The following DACH1 variants were observed in gnomAD, a reference collection of about 807,000 sequenced individuals.
DACH1 encodes dachshund family transcription factor 1.
A neutral mutation model predicts 54.2 loss-of-function variants in DACH1; 12 were observed. That is an observed-to-expected ratio of 0.22 (90% CI 0.14 to 0.36). The LOEUF is 0.36. DACH1 is among the 10% of genes least tolerant of loss of function. The pLI, the probability that DACH1 is intolerant of heterozygous loss-of-function variation, is 1.00. For synonymous variants in DACH1, 386 were observed against 366.2 expected (o/e 1.05, Z -0.62); for missense variants, 805 against 929.8 (o/e 0.87, Z 1.75).
chr13:71,687,551 T>TA (rs1203897465), intron 1 of DACH1, among the ~76,000 whole-genome samples: 25 of 152,212 alleles, frequency 1.6e-4, no homozygotes, highest in African/African-American at 1.2e-4. Context: ...TACTTTTTTT[T>TA]ACATATGAAG....
intron 1 of DACH1, among the ~76,000 whole-genome samples, chr13:71,786,641 G>A (rs1047415953): frequency 6.6e-6 from 1 of 151,896 alleles, no homozygotes; most frequent in Admixed American, 6.6e-5. Flanking sequence ...TATAAGAATG[G>A]CTAAGAAAGG....
intron 10 of DACH1, among the ~76,000 whole-genome samples, chr13:71,465,696 TATAA>T (rs1876507665): frequency 1.3e-5 from 2 of 152,122 alleles, no homozygotes; most frequent in African/African-American, 4.8e-5. Context: ...AGCAAAACCT[TATAA>T]ATATATTTTT....
At chr13:71,742,191 A>G (rs1303175457) in intron 1 of DACH1, among the ~76,000 whole-genome samples, 2 of 152,096 alleles carry the variant, frequency 1.3e-5, no homozygotes, top group Non-Finnish European at 2.9e-5. Flanking sequence ...TCTGAGGTCT[A>G]CCCAGGTATG....
intron 1 of DACH1, among the ~76,000 whole-genome samples, chr13:71,806,483 T>C (rs1462324281): frequency 6.6e-6 from 1 of 152,154 alleles, no homozygotes; most frequent in African/African-American, 2.4e-5. Flanking sequence ...TAGAAAAAAT[T>C]GTATTCTATT....
rs1201966208 is a variant in DACH1 at position 71,866,924 on chromosome 13, G to GA, written c.-156dup. ...GAAGGAGAAAGGGAGAGAAGGGGGAGAAAAGGAGGTGAAGGTAATAAAGAG... is the reference window on the plus strand; with the variant it reads ...GAAGGAGAAAGGGAGAGAAGGGGGAGAAAAAGGAGGTGAAGGTAATAAAGAG... On this transcript the variant is annotated 5_prime_UTR_variant, in exon 1 of 11. Coordinates refer to ENST00000613252, the MANE Select transcript of DACH1 (RefSeq NM_080759.6). The GA allele has an allele frequency of 1.5e-5, 8 of 527,892 alleles. No homozygotes were observed. Among genetic ancestry groups the GA allele is most frequent in the Non-Finnish European group, 2.3e-5 (8 of 347,978 alleles). The allele number at this position is 527,892 out of a possible 1,614,324, so 32.7% of individuals were successfully genotyped here.
In DACH1 at chr13:71,866,743, A is replaced by AG; in HGVS notation, c.26dup (p.Pro10SerfsTer137). On this transcript the variant is annotated frameshift_variant, in exon 1 of 11. Coordinates refer to ENST00000613252, the MANE Select transcript of DACH1 (RefSeq NM_080759.6). LOFTEE classifies it high-confidence loss of function. ...GTTGAGGGGGGACCAGCTGGGTCGG[A>AG]GGGATCAAAGCCGCCGGCACTGCCA... 7.0e-7 allele frequency: 1 copy of AG among 1,419,342 alleles called. No homozygotes were observed. Among genetic ancestry groups the AG allele is most frequent in the Non-Finnish European group, 9.3e-7 (1 of 1,077,654 alleles). 87.9% of individuals were successfully genotyped at this position (1,419,342 alleles called of 1,614,324 possible).
At chr13:71,674,675 G>A (rs1380644309) in intron 2 of DACH1, among the ~76,000 whole-genome samples, 1 of 137,086 alleles carries the variant, frequency 7.3e-6, no homozygotes, top group Non-Finnish European at 1.6e-5. Flanking sequence ...CCATAACTCT[G>A]CAAGTATAAA....
chr13:71,505,271 C>A (rs958778396), intron 6 of DACH1, among the ~76,000 whole-genome samples: 2 of 152,064 alleles, frequency 1.3e-5, no homozygotes, highest in Non-Finnish European at 2.9e-5. Context: ...TTAGTAGAGA[C>A]AGGGTTTCCT....
At chr13:71,788,774 T>C (rs1447245960) in intron 1 of DACH1, among the ~76,000 whole-genome samples, 1 of 143,180 alleles carries the variant, frequency 7.0e-6, no homozygotes, top group Non-Finnish European at 1.5e-5. Context: ...AGCTCATAAT[T>C]GGAAAAAATG....
intron 3 of DACH1, among the ~76,000 whole-genome samples, chr13:71,608,006 T>C (rs1875005683): frequency 6.6e-6 from 1 of 151,712 alleles, no homozygotes; most frequent in African/African-American, 2.4e-5. Flanking sequence ...TCCATATTAA[T>C]GAGAAAGATG....
At chr13:71,852,070 C>T (rs1873705328) in intron 1 of DACH1, among the ~76,000 whole-genome samples, 1 of 152,178 alleles carries the variant, frequency 6.6e-6, no homozygotes, top group African/African-American at 2.4e-5. Flanking sequence ...TGGTTTGAAA[C>T]TGTTTTCTAA....
chr13:71,865,599 C>T (rs1874686178), intron 1 of DACH1, among the ~76,000 whole-genome samples: 1 of 152,150 alleles, frequency 6.6e-6, no homozygotes, highest in Admixed American at 6.5e-5. Context: ...GCTGTGGCTC[C>T]AGCAAAGGCG....
At chr13:71,762,768 CA>C (rs34543654) in intron 1 of DACH1, among the ~76,000 whole-genome samples, 11,758 of 71,118 alleles carry the variant, frequency 0.17, 677 homozygotes, top group East Asian at 0.61. Context: ...AACTTTGTCT[CA>C]AAAAAAAAAA....
chr13:71,679,116 A>G (rs1463602838), intron 2 of DACH1, among the ~76,000 whole-genome samples: 1 of 152,236 alleles, frequency 6.6e-6, no homozygotes, highest in African/African-American at 2.4e-5. Context: ...GAACAAAAGT[A>G]GAATGTCTGA....
rs572505318 is a variant in DACH1, at chr13:71,546,976, T to C, written c.1570+10048A>G. On this transcript the variant is annotated intron_variant, in intron 6 of 10. Transcript: ENST00000613252. ...TAAATCTCGCTCTACAATCTCTTCT[T>C]ATCTTGTTGCATAAACCCTTGCGTG... Among the ~76,000 whole-genome samples the C allele has an allele frequency of 1.8e-4, 27 of 152,200 alleles. 1 individual carries two copies. The South Asian group carries it at 5.6e-3, about 32-fold the overall frequency.
intron 1 of DACH1, among the ~76,000 whole-genome samples, chr13:71,859,272 T>A (rs1043429546): frequency 2.6e-5 from 4 of 151,568 alleles, no homozygotes; most frequent in Non-Finnish European, 5.9e-5. Flanking sequence ...GAATGAAAGA[T>A]GATTTTTTTT....
chr13:71,672,115 T>A (rs766794370), intron 2 of DACH1, among the ~76,000 whole-genome samples: 1 of 152,286 alleles, frequency 6.6e-6, no homozygotes, highest in African/African-American at 2.4e-5. Context: ...ATCTGAAGTG[T>A]AGAGCAAAAT....
chr13:71,462,395 T>C (rs181123885), intron 10 of DACH1, among the ~76,000 whole-genome samples: 16 of 152,006 alleles, frequency 1.1e-4, no homozygotes, highest in Admixed American at 7.2e-4. Context: ...TTGTTTTAAT[T>C]GATGTAATTA....
intron 6 of DACH1, among the ~76,000 whole-genome samples, chr13:71,549,349 G>A (rs1045637626): frequency 3.9e-5 from 6 of 152,076 alleles, no homozygotes; most frequent in Admixed American, 2.6e-4. Context: ...CAGTGAGGAA[G>A]TGAGTCATTC....
Sources: allele counts gnomAD v4.1 joint callset (sites outside exome capture counted in the v4.1 genomes callset), GRCh38; gene constraint gnomAD v4.1.1; transcripts MANE v1.5; gene names NCBI Gene and HGNC (gene_info 2026-07-23, HGNC 2026-07-21).